DGAT2L6: variants seen among roughly 807,000 people sequenced by gnomAD.
DGAT2L6 encodes the protein diacylglycerol O-acyltransferase 2-like protein 6.
Under a neutral mutation model 25.5 loss-of-function variants are expected in DGAT2L6, and 22 were observed. The observed-to-expected ratio is 0.86, with a 90% CI of 0.62 to 1.23. The LOEUF is 1.23. Among genes scored for constraint, DGAT2L6 ranks in the 50% most tolerant of loss-of-function variants. DGAT2L6 has a pLI of 0.00. For missense variants in DGAT2L6, 287 were observed against 253.2 expected (o/e 1.13, Z -0.91); for synonymous variants, 100 against 94.7 (o/e 1.06, Z -0.32).
chrX:70,194,069 T>C (rs62605182), intron 1 of DGAT2L6, among the ~76,000 whole-genome samples: 6,089 of 111,474 alleles, frequency 0.055, 147 homozygotes, highest in South Asian at 0.18. Flanking sequence ...AAAATGAACA[T>C]ACAAAAATCA....
intron 1 of DGAT2L6, among the ~76,000 whole-genome samples, chrX:70,182,099 C>G (rs1602687128): frequency 9.0e-6 from 1 of 111,148 alleles, no homozygotes; most frequent in African/African-American, 3.3e-5. Context: ...TGCTTCCCCT[C>G]CTTCCCAAAT....
Position 70,204,374 on chromosome X carries a change from C to T in DGAT2L6, c.717C>T (p.Gly239=). ...EVFNQETFPE[G]TWLRLFQKTF... Reference sequence around the variant, plus strand: ...TCAATCAGGAGACCTTCCCTGAGGGCACGTGGTTAAGGTTGTTCCAAAAAA... The same window carrying T: ...TCAATCAGGAGACCTTCCCTGAGGGTACGTGGTTAAGGTTGTTCCAAAAAA... Residue 239 remains glycine, a synonymous_variant, in exon 6 of 7, where the codon GGC becomes GGT. Coordinates refer to ENST00000333026, the MANE Select transcript of DGAT2L6 (RefSeq NM_198512.3). The T allele has an allele frequency of 8.3e-7, 1 of 1,210,912 alleles. No homozygotes were observed. The highest frequency in any genetic ancestry group is 1.1e-6 in the Non-Finnish European group (1 of 895,185).
In DGAT2L6 at chrX:70,204,961, C is replaced by G; in HGVS notation, c.869C>G (p.Pro290Arg). 1.7e-6 allele frequency: 2 copies of G among 1,181,310 alleles called. No individual in the cohort carries two copies. Among genetic ancestry groups the G allele is most frequent in the Middle Eastern group, 4.8e-4 (2 of 4,187 alleles). The change falls in exon 7 of 7, where the codon CCC (proline) becomes CGC (arginine). Residue 290 changes from proline to arginine, a missense_variant. Pro to Arg is a moderately radical substitution (Grantham distance 103). Transcript: ENST00000333026. ...NRPITTVVGE[P>R]LPIPRIKRPN... ...TTTTCTTTTTTCATAGTTGGGGAAC[C>G]CCTTCCAATTCCCAGGATTAAGAGG...
At chrX:70,180,468 AAAAAAT>A (rs1034643981) in intron 1 of DGAT2L6, among the ~76,000 whole-genome samples, 1 of 111,502 alleles carries the variant, frequency 9.0e-6, no homozygotes, top group East Asian at 2.8e-4. Context: ...AGTAAAAAAT[AAAAAAT>A]AAAAATAAAA....
In DGAT2L6 at chrX:70,204,404, C is replaced by T; in HGVS notation, c.747C>T (p.Phe249=). ...GGTTAAGGTTGTTCCAAAAAACCTT[C>T]CAGGACACATTCAAAAAAATCCTGG... The part of the protein sequence containing the change: ...GTWLRLFQKT[F]QDTFKKILGL... Residue 249 remains phenylalanine (F), a synonymous_variant, in exon 6 of 7, where the codon TTC becomes TTT. Transcript: ENST00000333026. The T allele has an allele frequency of 8.3e-7, 1 of 1,211,573 alleles. No individual in the cohort carries two copies. Among genetic ancestry groups the T allele is most frequent in the Non-Finnish European group, 1.1e-6 (1 of 895,377 alleles).
chrX:70,188,995 A>AC (rs1356748465), intron 1 of DGAT2L6, among the ~76,000 whole-genome samples: 1 of 104,594 alleles, frequency 9.6e-6, no homozygotes, highest in Non-Finnish European at 1.9e-5. Flanking sequence ...AAAAAAAAAA[A>AC]CCCTACAGTT....
rs1421785195 is a variant in DGAT2L6, at chrX:70,182,830, A to AT, written c.85+5170dup. Among the ~76,000 whole-genome samples, 36 of 111,110 alleles carry AT rather than the reference A, an allele frequency of 3.2e-4. No homozygotes were observed. The South Asian group carries it at 5.0e-3, about 15-fold the overall frequency. On this transcript the variant is annotated intron_variant, in intron 1 of 6. Transcript: ENST00000333026. The stretch of plus-strand genomic sequence containing the variant: ...CACGATGCCCGGCTAAGTTTTTTGT[A>AT]TTTTTTTAGTACAGATGGGGTTTCA...
chrX:70,205,432 C>A lies in DGAT2L6; in HGVS notation c.*326C>A. On this transcript the variant is annotated 3_prime_UTR_variant, in exon 7 of 7. Coordinates refer to ENST00000333026, the MANE Select transcript of DGAT2L6 (RefSeq NM_198512.3). ...GAATCATTCCAGCCAACTCTCTGAT[C>A]ACAAAGAATACTGTGCCCCTTTCTC... 1 of 200,073 alleles carries A rather than the reference C, an allele frequency of 5.0e-6. No individual in the cohort carries two copies. The highest frequency in any genetic ancestry group is 9.1e-6 in the Non-Finnish European group (1 of 109,795). 16.5% of individuals were successfully genotyped at this position (200,073 alleles called of 1,213,427 possible). A position where few individuals can be genotyped will look rare whatever the true frequency, so the allele number is the denominator to read the frequency against.
chrX:70,182,503 G>A (rs7060901), intron 1 of DGAT2L6, among the ~76,000 whole-genome samples: 6,374 of 59,865 alleles, frequency 0.11, 759 homozygotes, highest in African/African-American at 0.32. Context: ...TTTTTGAGAC[G>A]GAGTCTTACT....
At chrX:70,185,153 G>A (rs2085355925) in intron 1 of DGAT2L6, among the ~76,000 whole-genome samples, 1 of 110,944 alleles carries the variant, frequency 9.0e-6, no homozygotes, top group African/African-American at 3.3e-5. Context: ...GCTTCCTTAG[G>A]CTGCCTGTGT....
At chrX:70,181,797 C>T (rs1025519426) in intron 1 of DGAT2L6, among the ~76,000 whole-genome samples, 6 of 111,596 alleles carry the variant, frequency 5.4e-5, no homozygotes, top group Middle Eastern at 4.6e-3. Flanking sequence ...ATAAGTTGAA[C>T]AGATCAGGGG....
chrX:70,204,100 A>G (rs759470959), intron 5 of DGAT2L6, among the ~76,000 whole-genome samples: 2 of 111,759 alleles, frequency 1.8e-5, no homozygotes, highest in South Asian at 7.6e-4. Flanking sequence ...GTTTCTCCCT[A>G]TAACAGGACA....
In DGAT2L6 at chrX:70,188,822, A is replaced by G. The variant is rs370355743; in HGVS notation, c.86-10449A>G. ...AGGAAGGCAAGTGTAAATATTTGAAAATAAATCAATGTAAACTACCATACT... is the reference window on the plus strand; with the variant it reads ...AGGAAGGCAAGTGTAAATATTTGAAGATAAATCAATGTAAACTACCATACT... On this transcript the variant is annotated intron_variant, in intron 1 of 6. Transcript: ENST00000333026. 4.5e-5 allele frequency among the ~76,000 whole-genome samples: 5 copies of G among 110,706 alleles called. No individual in the cohort carries two copies. In the East Asian group the frequency reaches 1.4e-3, roughly 31 times the overall value.
rs2085401352 is a variant in DGAT2L6 at position 70,199,254 on chromosome X, C to A, written c.86-17C>A. On this transcript the variant is annotated splice_polypyrimidine_tract_variant and intron_variant, in intron 1 of 6. Coordinates refer to ENST00000333026, the MANE Select transcript of DGAT2L6 (RefSeq NM_198512.3). ...TTGAAGGGAACTGAAAGGCTTGAACCCTTTGTGTCTCCCCAGGAGCTATTC... is the reference window on the plus strand; with the variant it reads ...TTGAAGGGAACTGAAAGGCTTGAACACTTTGTGTCTCCCCAGGAGCTATTC... The A allele has an allele frequency of 9.0e-7, 1 of 1,106,266 alleles. No individual in the cohort carries two copies. Among genetic ancestry groups the A allele is most frequent in the Non-Finnish European group, 1.2e-6 (1 of 816,091 alleles). The allele number at this position is 1,106,266 out of a possible 1,213,427, so 91.2% of individuals were successfully genotyped here. A position where few individuals can be genotyped will look rare whatever the true frequency, so the allele number is the denominator to read the frequency against.
At chrX:70,183,666 T>C (rs151162071) in intron 1 of DGAT2L6, among the ~76,000 whole-genome samples, 611 of 111,955 alleles carry the variant, frequency 5.5e-3, no homozygotes, top group African/African-American at 0.018. Context: ...ACTCTTATTC[T>C]TTTTTCTCTC....
chrX:70,192,743 G>GA lies in DGAT2L6; in HGVS notation c.86-6520dup, dbSNP rs201051915. Among the ~76,000 whole-genome samples the GA allele has an allele frequency of 1.6e-3, 170 of 109,156 alleles. 2 individuals are homozygous for GA. The highest frequency in any genetic ancestry group is 0.015 in the Admixed American group (154 of 10,266). The allele number at this position is 109,156 out of a possible 115,157, so 94.8% of individuals were successfully genotyped here. A position where few individuals can be genotyped will look rare whatever the true frequency, so the allele number is the denominator to read the frequency against. ...CCTAACTTTACATCCCATGAAACTA[G>GA]AAAAAAAAGAATAAAATAACCCTAA... On this transcript the variant is annotated intron_variant, in intron 1 of 6. Transcript: ENST00000333026.
chrX:70,196,486 C>CA (rs751597708), intron 1 of DGAT2L6, among the ~76,000 whole-genome samples: 826 of 25,713 alleles, frequency 0.032, 11 homozygotes, highest in Middle Eastern at 0.21. Context: ...GATCCTGTCT[C>CA]AAAAAAAAAA....
Position 70,204,389 on chromosome X carries a change from G to T in DGAT2L6, c.732G>T (p.Leu244Phe). Reference protein sequence around the residue: ...ETFPEGTWLRLFQKTFQDTFK... With the variant: ...ETFPEGTWLRFFQKTFQDTFK... ...TCCCTGAGGGCACGTGGTTAAGGTT[G>T]TTCCAAAAAACCTTCCAGGACACAT... The change falls in exon 6 of 7, where the codon TTG (leucine) becomes TTT (phenylalanine). Residue 244 changes from leucine to phenylalanine, a missense_variant. Leu to Phe is a conservative substitution (Grantham distance 22). Coordinates refer to ENST00000333026, the MANE Select transcript of DGAT2L6 (RefSeq NM_198512.3). 8.3e-7 allele frequency: 1 copy of T among 1,211,114 alleles called. No homozygotes were observed. The highest frequency in any genetic ancestry group is 1.1e-6 in the Non-Finnish European group (1 of 895,204).
At chrX:70,186,139 A>T (rs1195204908) in intron 1 of DGAT2L6, among the ~76,000 whole-genome samples, 3 of 111,967 alleles carry the variant, frequency 2.7e-5, no homozygotes, top group African/African-American at 9.7e-5. Context: ...CAACTTGGAG[A>T]ATTGTGAAAT....
Sources: allele counts gnomAD v4.1 joint callset (sites outside exome capture counted in the v4.1 genomes callset), GRCh38; gene constraint gnomAD v4.1.1; transcripts MANE v1.5; gene names NCBI Gene and HGNC (gene_info 2026-07-23, HGNC 2026-07-21).